ATF6: variants seen among roughly 807,000 people sequenced by gnomAD.
ATF6 encodes the protein activating transcription factor 6.
Under a neutral mutation model 83.6 loss-of-function variants are expected in ATF6, and 53 were observed. That is an observed-to-expected ratio of 0.63 (90% CI 0.51 to 0.80). The LOEUF (loss-of-function observed/expected upper bound fraction) is 0.80. Among genes scored for constraint, ATF6 ranks in the 30% least tolerant of loss-of-function variants. The pLI, the probability that ATF6 is intolerant of heterozygous loss-of-function variation, is 0.00. For missense variants in ATF6, 744 were observed against 797.9 expected, an observed-to-expected ratio of 0.93 and a Z score of 0.81; for synonymous variants, 288 against 285.8, an observed-to-expected ratio of 1.01 and a Z score of -0.08.
intron 9 of ATF6, among the ~76,000 whole-genome samples, chr1:161,824,462 C>T (rs1685845012): frequency 6.6e-6 from 1 of 151,696 alleles, no homozygotes; most frequent in Non-Finnish European, 1.5e-5. Flanking sequence ...TCTATCCCAG[C>T]TCCTGCCATT....
intron 14 of ATF6, among the ~76,000 whole-genome samples, chr1:161,898,799 C>T (rs1215948137): frequency 2.0e-5 from 3 of 152,160 alleles, no homozygotes; most frequent in Non-Finnish European, 2.9e-5. Context: ...CCTCCCACCT[C>T]GGCCTCCCAA....
chr1:161,829,990 A>T (rs1686010827), intron 9 of ATF6, among the ~76,000 whole-genome samples: 1 of 152,210 alleles, frequency 6.6e-6, no homozygotes. Context: ...AGGGTATTCA[A>T]TTAGGAAAAG....
intron 14 of ATF6, among the ~76,000 whole-genome samples, chr1:161,880,752 G>A (rs1180648348): frequency 1.3e-5 from 2 of 152,080 alleles, no homozygotes; most frequent in Non-Finnish European, 2.9e-5. Flanking sequence ...CTTCCCTTGT[G>A]TAAATACCTA....
At chr1:161,767,784 A>G (rs1296520786) in intron 1 of ATF6, among the ~76,000 whole-genome samples, 1 of 152,196 alleles carries the variant, frequency 6.6e-6, no homozygotes, top group Non-Finnish European at 1.5e-5. Flanking sequence ...TAATAAGACT[A>G]CTTGAATATA....
At chr1:161,898,057 G>T (rs534601809) in intron 14 of ATF6, among the ~76,000 whole-genome samples, 4 of 152,008 alleles carry the variant, frequency 2.6e-5, no homozygotes, top group African/African-American at 9.7e-5. Flanking sequence ...AGATTTTTTT[G>T]ACTCCTAGTA....
At chr1:161,832,179 A>G (rs1686080794) in intron 9 of ATF6, among the ~76,000 whole-genome samples, 1 of 152,178 alleles carries the variant, frequency 6.6e-6, no homozygotes, top group Admixed American at 6.5e-5. Context: ...GTAAAGGAAC[A>G]AAAGACTACC....
chr1:161,936,819 C>G (rs1384162955), intron 15 of ATF6, among the ~76,000 whole-genome samples: 2 of 152,326 alleles, frequency 1.3e-5, no homozygotes, highest in Non-Finnish European at 2.9e-5. Context: ...TGATTCCTGT[C>G]AGTTCACACT....
chr1:161,844,707 G>A (rs550380939), intron 9 of ATF6, among the ~76,000 whole-genome samples: 1 of 152,024 alleles, frequency 6.6e-6, no homozygotes, highest in African/African-American at 2.4e-5. Flanking sequence ...ATGCTTGAAA[G>A]AAAAAGTAAA....
rs2101927213 is a variant in ATF6 at position 161,960,528 on chromosome 1, C to T, written c.*1874C>T. On this transcript the variant is annotated 3_prime_UTR_variant, in exon 16 of 16. Coordinates refer to ENST00000367942, the MANE Select transcript of ATF6 (RefSeq NM_007348.4). ...CTGGACAGGTGCCTCTTTGTCCAAG[C>T]TAGTTAAATGCTTTCCAAGGAAATC... 6.6e-6 allele frequency: 1 copy of T among 152,354 alleles called. No homozygotes were observed. Among genetic ancestry groups the T allele is most frequent in the South Asian group, 2.1e-4 (1 of 4,832 alleles). 9.4% of individuals were successfully genotyped at this position (152,354 alleles called of 1,614,324 possible). A position where few individuals can be genotyped will look rare whatever the true frequency, so the allele number is the denominator to read the frequency against.
intron 14 of ATF6, among the ~76,000 whole-genome samples, chr1:161,874,634 G>A (rs537329754): frequency 2.6e-5 from 4 of 151,720 alleles, no homozygotes; most frequent in African/African-American, 9.6e-5. Flanking sequence ...CTGTCTTGGA[G>A]AGGGTCAGTG....
chr1:161,903,196 G>A (rs1332579738), intron 14 of ATF6, among the ~76,000 whole-genome samples: 4 of 152,174 alleles, frequency 2.6e-5, no homozygotes, highest in Non-Finnish European at 1.5e-5. Context: ...CAGGGATAGA[G>A]TAGAGGCTTT....
At chr1:161,945,903 C>T (rs974709089) in intron 15 of ATF6, among the ~76,000 whole-genome samples, 2 of 152,206 alleles carry the variant, frequency 1.3e-5, no homozygotes, top group African/African-American at 4.8e-5. Context: ...AGCCCTTGGC[C>T]ACCTGCTTTG....
chr1:161,791,088 G>C (rs556088990), intron 4 of ATF6, among the ~76,000 whole-genome samples: 3 of 136,954 alleles, frequency 2.2e-5, no homozygotes, highest in Non-Finnish European at 3.1e-5. Flanking sequence ...GTGTGTCTCT[G>C]TGTGTGTGTG....
At chr1:161,865,443 CCA>C in intron 14 of ATF6, among the ~76,000 whole-genome samples, 1 of 152,266 alleles carries the variant, frequency 6.6e-6, no homozygotes, top group East Asian at 1.9e-4. Flanking sequence ...CAGGCATGAG[CCA>C]CCGCGCCCAA....
intron 9 of ATF6, among the ~76,000 whole-genome samples, chr1:161,833,366 A>C (rs1686121817): frequency 6.6e-6 from 1 of 152,242 alleles, no homozygotes; most frequent in Admixed American, 6.5e-5. Context: ...CTCCAAAGGA[A>C]CGCAGCTCCT....
intron 9 of ATF6, among the ~76,000 whole-genome samples, chr1:161,842,310 C>T (rs888534791): frequency 1.4e-4 from 21 of 152,160 alleles, no homozygotes; most frequent in African/African-American, 4.8e-4. Flanking sequence ...TGTGGAGATT[C>T]CTTAAAGAAC....
At chr1:161,948,010 G>A (rs1688787045) in intron 15 of ATF6, among the ~76,000 whole-genome samples, 1 of 151,898 alleles carries the variant, frequency 6.6e-6, no homozygotes, top group South Asian at 2.1e-4. Flanking sequence ...TTTTAGTAGA[G>A]ACAGGGCTTC....
At chr1:161,941,468 G>T (rs936748739) in intron 15 of ATF6, among the ~76,000 whole-genome samples, 2 of 152,186 alleles carry the variant, frequency 1.3e-5, no homozygotes, top group Non-Finnish European at 1.5e-5. Flanking sequence ...TGCCTTCACT[G>T]CTTTAAAATC....
At chr1:161,905,978 G>A (rs910660316) in intron 14 of ATF6, among the ~76,000 whole-genome samples, 1 of 152,042 alleles carries the variant, frequency 6.6e-6, no homozygotes, top group Non-Finnish European at 1.5e-5. Flanking sequence ...GACCACAGGC[G>A]CCTGCCACCA....
Sources: allele counts gnomAD v4.1 joint callset (sites outside exome capture counted in the v4.1 genomes callset), GRCh38; gene constraint gnomAD v4.1.1; transcripts MANE v1.5; gene names NCBI Gene and HGNC (gene_info 2026-07-23, HGNC 2026-07-21).